Variants in TENT5A observed in about 807,000 individuals in gnomAD.
TENT5A encodes terminal nucleotidyltransferase 5A.
TENT5A carries 9 observed loss-of-function variants against 30.2 expected under a neutral mutation model. The ratio of observed to expected loss-of-function variants is 0.30; its 90% confidence interval spans 0.18 to 0.52. TENT5A has a LOEUF of 0.52. Among genes scored for constraint, TENT5A ranks in the 20% least tolerant of loss-of-function variants. The probability of loss-of-function intolerance (pLI) is 0.97; values close to 1 mark genes in which losing one functional copy is unlikely to be tolerated. For missense variants in TENT5A, 411 were observed against 566.1 expected (o/e 0.73, Z 2.78); for synonymous variants, 264 against 234.2 (o/e 1.13, Z -1.16).
rs1214883261 is a variant in TENT5A at position 81,749,200 on chromosome 6, C to A, written c.*495G>T. On this transcript the variant is annotated 3_prime_UTR_variant, in exon 3 of 3. Transcript: ENST00000320172. ...TACAAGCCTCAGACAGTAATCCCAA[C>A]GTTGGAGTTCCCCTTTTTCCTGTAT... is the stretch of plus-strand genomic sequence containing the variant. The A allele has an allele frequency of 1.0e-6, 1 of 986,234 alleles. No homozygotes were observed. The highest frequency in any genetic ancestry group is 1.2e-6 in the Non-Finnish European group (1 of 830,222). The allele number at this position is 986,234 out of a possible 1,614,324, so 61.1% of individuals were successfully genotyped here.
Position 81,749,112 on chromosome 6 carries a change from T to C in TENT5A, c.*583A>G, listed in dbSNP as rs1217815459. 2.0e-6 allele frequency: 2 copies of C among 985,812 alleles called. No homozygotes were observed. The highest frequency in any genetic ancestry group is 2.4e-6 in the Non-Finnish European group (2 of 830,018). The allele number at this position is 985,812 out of a possible 1,614,324, so 61.1% of individuals were successfully genotyped here. A position where few individuals can be genotyped will look rare whatever the true frequency, so the allele number is the denominator to read the frequency against. On this transcript the variant is annotated 3_prime_UTR_variant, in exon 3 of 3. Transcript: ENST00000320172. ...TGTTACGAGAACTGCACCAACCTAC[T>C]ACTGTTCATTTGGAGCAAGCCGTTT...
chr6:81,746,682 G>T lies in TENT5A; in HGVS notation c.*3013C>A. On this transcript the variant is annotated 3_prime_UTR_variant, in exon 3 of 3. Coordinates refer to ENST00000320172, the MANE Select transcript of TENT5A (RefSeq NM_017633.3). ...CCTCCAAAAGACAAAACTTCTTCCT[G>T]GTTTAAAGAAACAGCACACTAGGCC... The T allele has an allele frequency of 8.1e-7, 1 of 1,229,256 alleles. No individual in the cohort carries two copies. Among genetic ancestry groups the T allele is most frequent in the Non-Finnish European group, 1.0e-6 (1 of 986,392 alleles). The allele number at this position is 1,229,256 out of a possible 1,614,324, so 76.1% of individuals were successfully genotyped here. A position where few individuals can be genotyped will look rare whatever the true frequency, so the allele number is the denominator to read the frequency against.
In TENT5A at chr6:81,749,640, T is replaced by C. The variant is rs1312387549; in HGVS notation, c.*55A>G. 26 of 1,488,268 alleles carry C rather than the reference T, an allele frequency of 1.7e-5. No homozygotes were observed. The Admixed American group carries it at 3.7e-4, about 21-fold the overall frequency. 92.2% of individuals were successfully genotyped at this position (1,488,268 alleles called of 1,614,324 possible). On this transcript the variant is annotated 3_prime_UTR_variant, in exon 3 of 3. Coordinates refer to ENST00000320172, the MANE Select transcript of TENT5A (RefSeq NM_017633.3). ...CTCTTTTTTTTTTCTTTTTTTTTTT[T>C]TTCTCTCCTGTCTTGTCTGAAATGG...
In TENT5A at chr6:81,749,299, C is replaced by T; in HGVS notation, c.*396G>A. The stretch of plus-strand genomic sequence containing the variant: ...AGACCTTTTTTCCTCCGTATTTTCC[C>T]TTTTATGAATTCCATCTTAAAAGAA... On this transcript the variant is annotated 3_prime_UTR_variant, in exon 3 of 3. Coordinates refer to ENST00000320172, the MANE Select transcript of TENT5A (RefSeq NM_017633.3). 1.0e-6 allele frequency: 1 copy of T among 999,060 alleles called. No individual in the cohort carries two copies. Among genetic ancestry groups the T allele is most frequent in the Non-Finnish European group, 1.2e-6 (1 of 839,364 alleles). 61.9% of individuals were successfully genotyped at this position (999,060 alleles called of 1,614,324 possible).
Position 81,751,709 on chromosome 6 carries a change from A to C in TENT5A, c.433T>G (p.Cys145Gly). 6.2e-7 allele frequency: 1 copy of C among 1,614,114 alleles called. No individual in the cohort carries two copies. Among genetic ancestry groups the C allele is most frequent in the Non-Finnish European group, 8.5e-7 (1 of 1,180,038 alleles). Reference protein sequence around the residue: ...LGYKDLDLIFCADLRGEGEFQ... With the variant: ...LGYKDLDLIFGADLRGEGEFQ... The stretch of plus-strand genomic sequence containing the variant: ...TCCCCTTCCCCGCGCAGGTCGGCGC[A>C]GAAGATGAGGTCCAGGTCCTTGTAG... Residue 145 changes from cysteine to glycine, a missense_variant, in exon 2 of 3, where the codon TGC becomes GGC. Transcript: ENST00000320172.
chr6:81,748,014 T>C lies in TENT5A; in HGVS notation c.*1681A>G, dbSNP rs1442826198. ...TGACAACCAGATCAAAGATGTTTCA[T>C]ATTGACATGATTTATAAAATGTTAT... On this transcript the variant is annotated 3_prime_UTR_variant, in exon 3 of 3. Transcript: ENST00000320172. The C allele has an allele frequency of 3.1e-6, 3 of 978,148 alleles. No homozygotes were observed. The highest frequency in any genetic ancestry group is 3.6e-6 in the Non-Finnish European group (3 of 823,144). 60.6% of individuals were successfully genotyped at this position (978,148 alleles called of 1,614,324 possible). A position where few individuals can be genotyped will look rare whatever the true frequency, so the allele number is the denominator to read the frequency against.
rs977939705 is a variant in TENT5A, at chr6:81,747,248, T to C, written c.*2447A>G. ...CTCCCCTAGTTTTCTTTCAGAAAAC[T>C]TTGAAACAACTAAGCAGGCGGAGCT... On this transcript the variant is annotated 3_prime_UTR_variant, in exon 3 of 3. Transcript: ENST00000320172. 3.0e-6 allele frequency: 3 copies of C among 985,566 alleles called. No homozygotes were observed. The highest frequency in any genetic ancestry group is 2.4e-6 in the Non-Finnish European group (2 of 829,936). The allele number at this position is 985,566 out of a possible 1,614,324, so 61.1% of individuals were successfully genotyped here.
Position 81,752,172 on chromosome 6 carries a change from G to T in TENT5A, c.-31C>A. The T allele has an allele frequency of 6.6e-7, 1 of 1,514,862 alleles. No individual in the cohort carries two copies. The highest frequency in any genetic ancestry group is 8.8e-7 in the Non-Finnish European group (1 of 1,131,748). The allele number at this position is 1,514,862 out of a possible 1,614,324, so 93.8% of individuals were successfully genotyped here. A position where few individuals can be genotyped will look rare whatever the true frequency, so the allele number is the denominator to read the frequency against. On this transcript the variant is annotated 5_prime_UTR_variant, in exon 2 of 3. Coordinates refer to ENST00000320172, the MANE Select transcript of TENT5A (RefSeq NM_017633.3). ...GCCCGCCGAGCGCCACTTGGCCCTGGTCAGTCCTAAAAAGAAAGGGAAAGG... is the reference window on the plus strand; with the variant it reads ...GCCCGCCGAGCGCCACTTGGCCCTGTTCAGTCCTAAAAAGAAAGGGAAAGG...
rs1768925542 is a variant in TENT5A, at chr6:81,748,223, T to G, written c.*1472A>C. 2 of 985,318 alleles carry G rather than the reference T, an allele frequency of 2.0e-6. No individual in the cohort carries two copies. The allele number at this position is 985,318 out of a possible 1,614,324, so 61.0% of individuals were successfully genotyped here. A position where few individuals can be genotyped will look rare whatever the true frequency, so the allele number is the denominator to read the frequency against. On this transcript the variant is annotated 3_prime_UTR_variant, in exon 3 of 3. Coordinates refer to ENST00000320172, the MANE Select transcript of TENT5A (RefSeq NM_017633.3). ...CCTTTTTAGCAGTCAGGGATTTAAG[T>G]AGCCTATTACTGATCCATGATCCAC... is the stretch of plus-strand genomic sequence containing the variant.
intron 2 of TENT5A, among the ~76,000 whole-genome samples, chr6:81,751,344 AAG>A (rs1301666305): frequency 2.0e-5 from 3 of 152,238 alleles, no homozygotes; most frequent in African/African-American, 7.2e-5. Context: ...GAAAGAAGAG[AAG>A]AGAGGGCAGA....
In TENT5A at chr6:81,752,530, C is replaced by T. The variant is rs1426071498; in HGVS notation, c.-137G>A. On this transcript the variant is annotated 5_prime_UTR_variant, in exon 1 of 3. Coordinates refer to ENST00000320172, the MANE Select transcript of TENT5A (RefSeq NM_017633.3). Reference sequence around the variant, plus strand: ...GCGAGCGCGCTCAGACAGCAAATAGCGACTTCGTCTTTCCCAGACCCCTGC... The same window carrying T: ...GCGAGCGCGCTCAGACAGCAAATAGTGACTTCGTCTTTCCCAGACCCCTGC... The T allele has an allele frequency of 1.6e-6, 2 of 1,274,076 alleles. No individual in the cohort carries two copies. Among genetic ancestry groups the T allele is most frequent in the East Asian group, 2.5e-5 (1 of 39,622 alleles). 78.9% of individuals were successfully genotyped at this position (1,274,076 alleles called of 1,614,324 possible).
Position 81,747,938 on chromosome 6 carries a change from G to C in TENT5A, c.*1757C>G. On this transcript the variant is annotated 3_prime_UTR_variant, in exon 3 of 3. Transcript: ENST00000320172. Reference sequence around the variant, plus strand: ...TAAGAAAGAAAATAAAGTTGGATTTGATTTAATGGAAAGCGATTTAAAGTA... The same window carrying C: ...TAAGAAAGAAAATAAAGTTGGATTTCATTTAATGGAAAGCGATTTAAAGTA... The C allele has an allele frequency of 1.0e-6, 1 of 984,894 alleles. No individual in the cohort carries two copies. The highest frequency in any genetic ancestry group is 4.7e-5 in the South Asian group (1 of 21,266). 61.0% of individuals were successfully genotyped at this position (984,894 alleles called of 1,614,324 possible). A position where few individuals can be genotyped will look rare whatever the true frequency, so the allele number is the denominator to read the frequency against.
intron 1 of TENT5A, 63 bp from the exon 2 acceptor site, chr6:81,752,241 G>T: frequency 6.8e-7 from 1 of 1,470,916 alleles, no homozygotes; most frequent in African/African-American, 1.4e-5. Flanking sequence ...GCGCGGCGGC[G>T]GAGAGCAGAG....
chr6:81,751,809 C>T lies in TENT5A; in HGVS notation c.333G>A (p.Lys111=). The part of the protein sequence containing the change: ...VKVVRRRLAE[K]RIGVRDVRLN... Reference sequence around the variant, plus strand: ...GGCGCACGTCGCGGACGCCAATGCGCTTCTCGGCCAGGCGCCGCCGCACCA... The same window carrying T: ...GGCGCACGTCGCGGACGCCAATGCGTTTCTCGGCCAGGCGCCGCCGCACCA... Residue 111 remains lysine, a synonymous_variant, in exon 2 of 3, where the codon AAG becomes AAA. Transcript: ENST00000320172. 6.2e-7 allele frequency: 1 copy of T among 1,612,808 alleles called. No homozygotes were observed. The highest frequency in any genetic ancestry group is 8.5e-7 in the Non-Finnish European group (1 of 1,179,836).
rs1214134824 is a variant in TENT5A, at chr6:81,749,143, C to G, written c.*552G>C. 9 of 985,814 alleles carry G rather than the reference C, an allele frequency of 9.1e-6. No individual in the cohort carries two copies. Among genetic ancestry groups the G allele is most frequent in the Non-Finnish European group, 1.1e-5 (9 of 830,012 alleles). The allele number at this position is 985,814 out of a possible 1,614,324, so 61.1% of individuals were successfully genotyped here. A position where few individuals can be genotyped will look rare whatever the true frequency, so the allele number is the denominator to read the frequency against. ...TCATTTGGAGCAAGCCGTTTGTTAGCAAAACAAGATCATTCCACAGAAAGC... is the reference window on the plus strand; with the variant it reads ...TCATTTGGAGCAAGCCGTTTGTTAGGAAAACAAGATCATTCCACAGAAAGC... On this transcript the variant is annotated 3_prime_UTR_variant, in exon 3 of 3. Transcript: ENST00000320172.
rs1159229548 is a variant in TENT5A, at chr6:81,750,325, A to G, written c.699T>C (p.Phe233=). The change falls in exon 3 of 3, where the codon TTT becomes TTC. Residue 233 remains phenylalanine, a synonymous_variant. Coordinates refer to ENST00000320172, the MANE Select transcript of TENT5A (RefSeq NM_017633.3). This position sits in a 1 kb window ranked among gnomAD's most constrained non-coding sequence, Gnocchi z 4.2. ...RRQFEFSVDS[F]QIKLDSLLLF... The stretch of plus-strand genomic sequence containing the variant: ...GCAGAAGAGAGTCTAATTTGATTTG[A>G]AAAGAATCTACACTGAATTCAAACT... 2.5e-6 allele frequency: 4 copies of G among 1,613,290 alleles called. No individual in the cohort carries two copies. In the Admixed American group the frequency reaches 6.7e-5, roughly 27 times the overall value.
chr6:81,751,701 G>C lies in TENT5A; in HGVS notation c.441C>G (p.Asp147Glu). Residue 147 changes from aspartate (D) to glutamate (E), a missense_variant, in exon 2 of 3, where the codon GAC becomes GAG. By Grantham distance (45) the Asp-to-Glu change is conservative (BLOSUM62 2). This residue lies in a region of TENT5A where 157 missense variants were observed against 183.2 expected (regional missense o/e 0.86). Coordinates refer to ENST00000320172, the MANE Select transcript of TENT5A (RefSeq NM_017633.3). ...TCTGAAACTCCCCTTCCCCGCGCAGGTCGGCGCAGAAGATGAGGTCCAGGT... is the reference window on the plus strand; with the variant it reads ...TCTGAAACTCCCCTTCCCCGCGCAGCTCGGCGCAGAAGATGAGGTCCAGGT... ...YKDLDLIFCA[D>E]LRGEGEFQTV... 1 of 1,614,156 alleles carries C rather than the reference G, an allele frequency of 6.2e-7. No individual in the cohort carries two copies. Among genetic ancestry groups the C allele is most frequent in the Non-Finnish European group, 8.5e-7 (1 of 1,180,040 alleles).
chr6:81,749,632 T>G lies in TENT5A; in HGVS notation c.*63A>C. ...CTGGATCACTCTTTTTTTTTTCTTT[T>G]TTTTTTTTTTCTCTCCTGTCTTGTC... is the stretch of plus-strand genomic sequence containing the variant. On this transcript the variant is annotated 3_prime_UTR_variant, in exon 3 of 3. Transcript: ENST00000320172. 6.8e-7 allele frequency: 1 copy of G among 1,462,216 alleles called. No individual in the cohort carries two copies. Among genetic ancestry groups the G allele is most frequent in the Non-Finnish European group, 9.0e-7 (1 of 1,109,576 alleles). 90.6% of individuals were successfully genotyped at this position (1,462,216 alleles called of 1,614,324 possible).
In TENT5A at chr6:81,746,109, G is replaced by C; in HGVS notation, c.*3586C>G. ...CATTATTTTAACAAAATATAACATA[G>C]AGATTCTTTCTTAGCACTGAAAATG... On this transcript the variant is annotated 3_prime_UTR_variant, in exon 3 of 3. Transcript: ENST00000320172. 1.0e-6 allele frequency: 1 copy of C among 981,050 alleles called. No individual in the cohort carries two copies. The highest frequency in any genetic ancestry group is 4.7e-5 in the South Asian group (1 of 21,186). The allele number at this position is 981,050 out of a possible 1,614,324, so 60.8% of individuals were successfully genotyped here.
Sources: gnomAD v4.1 joint callset for allele counts (sites outside exome capture counted in the v4.1 genomes callset) on GRCh38, gnomAD v4.1.1 for gene constraint, gnomAD v4.1.1 regional missense constraint, Gnocchi (gnomAD v3.1) non-coding constraint, MANE v1.5 for transcripts, NCBI Gene and HGNC (gene_info 2026-07-23, HGNC 2026-07-21) for gene names.